The following C2orf78 variants were observed in gnomAD, a reference collection of about 807,000 sequenced individuals.
The protein encoded by C2orf78 is chromosome 2 open reading frame 78.
In C2orf78, 12 loss-of-function variants were observed where a neutral mutation model predicts 21.4. The observed-to-expected ratio is 0.56, with a 90% CI of 0.36 to 0.91. C2orf78 has a LOEUF of 0.91. Ranked by LOEUF, C2orf78 falls within the 40% of genes least tolerant of loss-of-function variation. C2orf78 has a pLI of 0.01. For synonymous variants in C2orf78, 396 were observed against 413.9 expected, an observed-to-expected ratio of 0.96 and a Z score of 0.52; for missense variants, 1,042 against 1,092.4, an observed-to-expected ratio of 0.95 and a Z score of 0.65.
chr2:73,810,536 A>AATAT (rs35269780), intron 1 of C2orf78, among the ~76,000 whole-genome samples: 150 of 135,500 alleles, frequency 1.1e-3, no homozygotes, highest in Non-Finnish European at 1.5e-3. Context: ...TCAAAAAGAA[A>AATAT]ATATATATAT....
intron 1 of C2orf78, among the ~76,000 whole-genome samples, chr2:73,785,738 A>G (rs1228682651): frequency 6.6e-6 from 1 of 152,042 alleles, no homozygotes; most frequent in Non-Finnish European, 1.5e-5. Context: ...AGTTTGTAAT[A>G]TAAACATTTT....
At chr2:73,816,568 C>T in exon 3 of C2orf78, 2 of 1,613,750 alleles carry the variant, frequency 1.2e-6, no homozygotes. Flanking sequence ...GGTCCTGCCA[C>T]ACCAGCTCAG....
At chr2:73,816,923 G>A (rs1183034576) in exon 3 of C2orf78, 1 of 1,612,890 alleles carries the variant, frequency 6.2e-7, no homozygotes, top group East Asian at 2.2e-5. Context: ...CCTCTTTGGG[G>A]AAAGTGCAGT....
exon 3 of C2orf78, chr2:73,815,671 A>G: frequency 3.1e-6 from 5 of 1,613,986 alleles, no homozygotes; most frequent in Non-Finnish European, 4.2e-6. Flanking sequence ...ATCAAGGTAA[A>G]TCAGGTGCAG....
In C2orf78 at chr2:73,816,190, TG is replaced by T; in HGVS notation, c.1970del (p.Gly657GlufsTer38). Reference sequence around the variant, plus strand: ...ACTGGATTCTCTTCCTCCAGGACCCTGGGAAGCTCAAGCAACACCCAAAACC... The same window carrying T: ...ACTGGATTCTCTTCCTCCAGGACCCTGGAAGCTCAAGCAACACCCAAAACC... On this transcript the variant is annotated frameshift_variant, in exon 3 of 3. Transcript: ENST00000409561. LOFTEE classifies it low-confidence loss of function (END_TRUNC). 1.2e-6 allele frequency: 2 copies of T among 1,613,902 alleles called. No homozygotes were observed. The highest frequency in any genetic ancestry group is 1.1e-5 in the South Asian group (1 of 91,084).
exon 3 of C2orf78, chr2:73,815,369 T>C: frequency 6.2e-7 from 1 of 1,613,900 alleles, no homozygotes; most frequent in Non-Finnish European, 8.5e-7. Flanking sequence ...TAATAGGAAA[T>C]CAAGATCCTC....
exon 3 of C2orf78, chr2:73,816,161 G>A: frequency 6.2e-7 from 1 of 1,613,886 alleles, no homozygotes; most frequent in Non-Finnish European, 8.5e-7. Context: ...AGATCGATAT[G>A]AAAACTGGAT....
rs754670019 is a variant in C2orf78 at position 73,813,541 on chromosome 2, G to A, written c.162G>A (p.Val54=). The change falls in exon 2 of 3, where the codon GTG becomes GTA. Residue 54 remains valine, a synonymous_variant. Transcript: ENST00000409561. ...CTCGGCAGTTCTCTCTTCCTGTGGTGAGCAATGCAGCTTTCTTAACAGGAA... is the reference window on the plus strand; with the variant it reads ...CTCGGCAGTTCTCTCTTCCTGTGGTAAGCAATGCAGCTTTCTTAACAGGAA... The A allele has an allele frequency of 6.8e-6, 11 of 1,613,772 alleles. No homozygotes were observed. The African/African-American group carries it at 9.3e-5, about 14-fold the overall frequency.
chr2:73,784,591 T>C (rs1298910088), intron 1 of C2orf78, among the ~76,000 whole-genome samples, 185 bp downstream of exon 1: 1 of 151,430 alleles, frequency 6.6e-6, no homozygotes, highest in African/African-American at 2.5e-5. Flanking sequence ...ATAACTTTTA[T>C]TCTCTCACAA....
intron 1 of C2orf78, among the ~76,000 whole-genome samples, chr2:73,810,605 A>T (rs142508337): frequency 0.035 from 4,878 of 137,552 alleles, 114 homozygotes; most frequent in Non-Finnish European, 0.056. Context: ...CATAAAATAT[A>T]TATATTTTAT....
chr2:73,810,261 T>G (rs1273770248), intron 1 of C2orf78, among the ~76,000 whole-genome samples: 1 of 152,038 alleles, frequency 6.6e-6, no homozygotes, highest in Non-Finnish European at 1.5e-5. Context: ...CCGGGCAGGA[T>G]GGCTCACACC....
chr2:73,815,036 A>T, intron 2 of C2orf78, 35 bp from the exon 3 acceptor site: 1 of 1,574,188 alleles, frequency 6.4e-7, no homozygotes, highest in South Asian at 1.2e-5. Flanking sequence ...CATCTCACTT[A>T]CCAGGGACTG....
intron 1 of C2orf78, among the ~76,000 whole-genome samples, chr2:73,785,981 G>T (rs554194550): frequency 6.6e-6 from 1 of 151,950 alleles, no homozygotes; most frequent in African/African-American, 2.4e-5. Context: ...GAGAGGCAAA[G>T]GTTGTGGTGA....
At chr2:73,809,045 G>A (rs1046735769) in intron 1 of C2orf78, 1 of 753,982 alleles carries the variant, frequency 1.3e-6, no homozygotes, top group South Asian at 1.8e-5. Flanking sequence ...TTCAGTTTTG[G>A]CTTTGACATT....
chr2:73,814,512 C>G (rs548807484), intron 2 of C2orf78, among the ~76,000 whole-genome samples: 1 of 152,338 alleles, frequency 6.6e-6, no homozygotes, highest in Admixed American at 6.5e-5. Context: ...CACACTACCA[C>G]GCTGTAATGT....
chr2:73,808,972 C>T, intron 1 of C2orf78: 1 of 566,258 alleles, frequency 1.8e-6, no homozygotes, highest in East Asian at 3.1e-5. Flanking sequence ...TTCTTTCCCC[C>T]TATATTCCCA....
intron 1 of C2orf78, among the ~76,000 whole-genome samples, chr2:73,808,406 G>A (rs1236925031): frequency 1.3e-5 from 2 of 150,952 alleles, no homozygotes; most frequent in Non-Finnish European, 2.9e-5. Flanking sequence ...TAAATGCATA[G>A]TATTATATAA....
At chr2:73,807,973 G>C (rs1672990673) in intron 1 of C2orf78, among the ~76,000 whole-genome samples, 1 of 151,040 alleles carries the variant, frequency 6.6e-6, no homozygotes, top group Non-Finnish European at 1.5e-5. Flanking sequence ...ATCGGCAGTA[G>C]GGCCGGGTGC....
exon 3 of C2orf78, chr2:73,816,136 A>G (rs1673191322): frequency 1.9e-6 from 3 of 1,613,964 alleles, no homozygotes; most frequent in Admixed American, 1.7e-5. Context: ...CAAGTTTTCC[A>G]TGCACTCGGG....
Sources: gnomAD v4.1 joint callset for allele counts (sites outside exome capture counted in the v4.1 genomes callset) on GRCh38, gnomAD v4.1.1 for gene constraint, MANE v1.5 for transcripts, NCBI Gene and HGNC (gene_info 2026-07-23, HGNC 2026-07-21) for gene names.